NEGR1: variants seen among roughly 807,000 people sequenced by gnomAD.
NEGR1 encodes neuronal growth regulator 1, also known as IgLON family member 4.
In NEGR1, 10 loss-of-function variants were observed where a neutral mutation model predicts 40.9. The observed-to-expected ratio is 0.24, with a 90% CI of 0.15 to 0.42. NEGR1 has a LOEUF of 0.42. Among genes scored for constraint, NEGR1 ranks in the 10% least tolerant of loss-of-function variants. The pLI, the probability that NEGR1 is intolerant of heterozygous loss-of-function variation, is 1.00. For missense variants in NEGR1, 352 were observed against 438.9 expected (o/e 0.80, Z 1.77); for synonymous variants, 185 against 166.8 (o/e 1.11, Z -0.84).
chr1:71,824,886 T>G (rs997978940), intron 2 of NEGR1, among the ~76,000 whole-genome samples: 2 of 151,992 alleles, frequency 1.3e-5, no homozygotes, highest in East Asian at 1.9e-4. Flanking sequence ...AATCAACAAT[T>G]TACCCATCTA....
chr1:71,941,654 G>A (rs1054595258), intron 1 of NEGR1, among the ~76,000 whole-genome samples: 1 of 152,012 alleles, frequency 6.6e-6, no homozygotes, highest in Non-Finnish European at 1.5e-5. Flanking sequence ...GAGATGATAA[G>A]AATTGTATTT....
In NEGR1 at chr1:71,761,420, C is replaced by G. The variant is rs574001215; in HGVS notation, c.535+14752G>C. ...ACAGACTATTTTATTTTGTTTACTC[C>G]GTTTATCCTGAAGTAAATCTCATGG... On this transcript the variant is annotated intron_variant, in intron 3 of 6. Transcript: ENST00000357731. Among the ~76,000 whole-genome samples the G allele has an allele frequency of 3.3e-5, 5 of 152,246 alleles. No individual in the cohort carries two copies. The South Asian group carries it at 6.2e-4, about 19-fold the overall frequency.
At chr1:71,651,882 C>T (rs143107993) in intron 4 of NEGR1, among the ~76,000 whole-genome samples, 53 of 151,810 alleles carry the variant, frequency 3.5e-4, no homozygotes, top group East Asian at 7.7e-4. Flanking sequence ...ACTTTTGTTT[C>T]AACTTTCCAT....
At chr1:71,970,715 A>G (rs1646249226) in intron 1 of NEGR1, among the ~76,000 whole-genome samples, 1 of 152,120 alleles carries the variant, frequency 6.6e-6, no homozygotes, top group South Asian at 2.1e-4. Context: ...CTTAACTTAA[A>G]TAATACTGCT....
intron 2 of NEGR1, among the ~76,000 whole-genome samples, chr1:71,870,627 T>C (rs904330727): frequency 2.0e-5 from 3 of 152,216 alleles, no homozygotes; most frequent in African/African-American, 4.8e-5. Context: ...TTTGGTATTG[T>C]AATATATTAA....
At chr1:72,265,616 G>A (rs1655612371) in intron 1 of NEGR1, among the ~76,000 whole-genome samples, 1 of 150,714 alleles carries the variant, frequency 6.6e-6, no homozygotes, top group African/African-American at 2.4e-5. Context: ...GAAACTAAAA[G>A]TTTTTACCTT....
intron 4 of NEGR1, among the ~76,000 whole-genome samples, chr1:71,681,507 T>A (rs1318957245): frequency 6.6e-6 from 1 of 152,202 alleles, no homozygotes; most frequent in Non-Finnish European, 1.5e-5. Flanking sequence ...TCTTTTTTTA[T>A]TTTAAGGTGT....
intron 3 of NEGR1, among the ~76,000 whole-genome samples, chr1:71,748,211 C>T (rs1430369578): frequency 6.6e-6 from 1 of 152,106 alleles, no homozygotes; most frequent in East Asian, 1.9e-4. Flanking sequence ...TTTCCATTTT[C>T]CCTACTTTAC....
intron 1 of NEGR1, among the ~76,000 whole-genome samples, chr1:72,116,787 T>C (rs1649597929): frequency 6.6e-6 from 1 of 151,760 alleles, no homozygotes. Context: ...GTTTACATTA[T>C]TTATTTTCAT....
At chr1:72,188,939 A>G (rs985803638) in intron 1 of NEGR1, among the ~76,000 whole-genome samples, 3 of 151,572 alleles carry the variant, frequency 2.0e-5, no homozygotes, top group African/African-American at 7.2e-5. Flanking sequence ...TCTTTCTTCA[A>G]TATCTATTCT....
At chr1:71,974,626 G>A (rs897266527) in intron 1 of NEGR1, among the ~76,000 whole-genome samples, 1 of 151,918 alleles carries the variant, frequency 6.6e-6, no homozygotes, top group African/African-American at 2.4e-5. Flanking sequence ...AAATTTAAGG[G>A]CAAGATATTT....
At chr1:72,157,331 C>T (rs1051877684) in intron 1 of NEGR1, among the ~76,000 whole-genome samples, 2 of 152,048 alleles carry the variant, frequency 1.3e-5, no homozygotes, top group African/African-American at 2.4e-5. Flanking sequence ...AATTCACTTC[C>T]AAAATATAAA....
chr1:71,614,192 T>C (rs1650365156), intron 4 of NEGR1, among the ~76,000 whole-genome samples: 1 of 151,898 alleles, frequency 6.6e-6, no homozygotes, highest in Non-Finnish European at 1.5e-5. Context: ...TTCCAAAAAA[T>C]GTTTGCATGA....
At chr1:71,625,289 C>T (rs778367871) in intron 4 of NEGR1, among the ~76,000 whole-genome samples, 3 of 151,540 alleles carry the variant, frequency 2.0e-5, no homozygotes, top group Non-Finnish European at 2.9e-5. Context: ...CATGAATACA[C>T]ACAGACACAC....
At chr1:72,170,657 T>C (rs372303283) in intron 1 of NEGR1, among the ~76,000 whole-genome samples, 35 of 152,330 alleles carry the variant, frequency 2.3e-4, no homozygotes, top group East Asian at 1.7e-3. Flanking sequence ...TTGTTTACAA[T>C]TGTAGCTGAA....
chr1:71,438,011 G>C (rs1646520819), intron 6 of NEGR1, among the ~76,000 whole-genome samples: 1 of 152,182 alleles, frequency 6.6e-6, no homozygotes, highest in African/African-American at 2.4e-5. Context: ...TGGTTTGCTA[G>C]ATATTGTTCT....
intron 2 of NEGR1, among the ~76,000 whole-genome samples, chr1:71,927,849 A>G (rs2101889178): frequency 8.0e-6 from 1 of 124,898 alleles, no homozygotes; most frequent in East Asian, 2.7e-4. Context: ...AAAAAAAAAA[A>G]AAGCCAGGCA....
chr1:71,583,361 G>T (rs1371339004), intron 6 of NEGR1, among the ~76,000 whole-genome samples: 2 of 152,114 alleles, frequency 1.3e-5, no homozygotes, highest in East Asian at 3.8e-4. Context: ...GGTGTTGCTG[G>T]CAGGAAGAAT....
intron 4 of NEGR1, among the ~76,000 whole-genome samples, chr1:71,661,928 A>G (rs1652067808): frequency 6.6e-6 from 1 of 152,194 alleles, no homozygotes; most frequent in South Asian, 2.1e-4. Context: ...CTGGAAAATG[A>G]TTTAACCTCC....
Sources: allele counts gnomAD v4.1 joint callset (sites outside exome capture counted in the v4.1 genomes callset), GRCh38; gene constraint gnomAD v4.1.1; transcripts MANE v1.5; gene names NCBI Gene and HGNC (gene_info 2026-07-23, HGNC 2026-07-21).